The following ROBO2 variants were observed in gnomAD, a reference collection of about 807,000 sequenced individuals.
ROBO2 encodes roundabout guidance receptor 2.
Under a neutral mutation model 160.8 loss-of-function variants are expected in ROBO2, and 53 were observed. That is an observed-to-expected ratio of 0.33 (90% CI 0.26 to 0.41). The LOEUF (loss-of-function observed/expected upper bound fraction) is 0.41. Ranked by LOEUF, ROBO2 falls within the 10% of genes least tolerant of loss-of-function variation. ROBO2 has a pLI of 1.00. For missense variants in ROBO2, 1,577 were observed against 1,722.4 expected (o/e 0.92, Z 1.49); for synonymous variants, 664 against 611.7 (o/e 1.09, Z -1.26).
rs192881640 is a variant in ROBO2, at chr3:77,503,249, G to C, written c.806+9867G>C. On this transcript the variant is annotated intron_variant, in intron 5 of 25. Transcript: ENST00000461745. ...AAAATAATAATAATATAAATGGCCA[G>C]GCGCGGTGGCTCACGCCTGTAATCC... Among the ~76,000 whole-genome samples, 608 of 151,582 alleles carry C rather than the reference G, an allele frequency of 4.0e-3. 7 individuals carry two copies. Among genetic ancestry groups the C allele is most frequent in the African/African-American group, 0.014 (580 of 41,446 alleles).
At chr3:76,840,889 C>A (rs1007040389) in intron 2 of ROBO2, among the ~76,000 whole-genome samples, 11 of 151,916 alleles carry the variant, frequency 7.2e-5, no homozygotes, top group African/African-American at 2.7e-4. Flanking sequence ...AAACAACCTC[C>A]AACTATTTTC....
At chr3:77,232,692 G>T (rs972773702) in intron 2 of ROBO2, among the ~76,000 whole-genome samples, 2 of 152,082 alleles carry the variant, frequency 1.3e-5, no homozygotes, top group Admixed American at 6.5e-5. Context: ...TGGTGCTCTT[G>T]GTATTTTGTT....
chr3:75,923,378 A>G (rs1282664166), intron 1 of ROBO2, among the ~76,000 whole-genome samples: 3 of 152,214 alleles, frequency 2.0e-5, no homozygotes, highest in Non-Finnish European at 4.4e-5. Context: ...TTCTGCATTT[A>G]CACAGACGTT....
chr3:76,385,221 C>T (rs1024442740), intron 2 of ROBO2, among the ~76,000 whole-genome samples: 2 of 152,104 alleles, frequency 1.3e-5, no homozygotes, highest in African/African-American at 2.4e-5. Context: ...TCTCAAACTC[C>T]TGGACTCAAG....
At chr3:76,635,006 G>A (rs2090248009) in intron 2 of ROBO2, among the ~76,000 whole-genome samples, 1 of 152,174 alleles carries the variant, frequency 6.6e-6, no homozygotes, top group Non-Finnish European at 1.5e-5. Context: ...ATCTGAGGTG[G>A]AACAGTTTCA....
intron 2 of ROBO2, among the ~76,000 whole-genome samples, chr3:76,951,527 A>C (rs1310922328): frequency 6.6e-6 from 1 of 152,228 alleles, no homozygotes; most frequent in Non-Finnish European, 1.5e-5. Flanking sequence ...GTGTGTGTTT[A>C]TTTATAGATT....
chr3:77,407,821 A>G (rs191746547), intron 2 of ROBO2, among the ~76,000 whole-genome samples: 1 of 152,372 alleles, frequency 6.6e-6, no homozygotes, highest in East Asian at 1.9e-4. Context: ...GAAAAAGTAT[A>G]AAGAATGATC....
chr3:76,147,806 C>T (rs2071976407), intron 2 of ROBO2, among the ~76,000 whole-genome samples: 1 of 151,926 alleles, frequency 6.6e-6, no homozygotes, highest in Non-Finnish European at 1.5e-5. Context: ...ATGAAATCAT[C>T]ATGATATGGA....
intron 2 of ROBO2, among the ~76,000 whole-genome samples, chr3:76,059,339 A>G (rs1366154905): frequency 6.6e-6 from 1 of 152,094 alleles, no homozygotes; most frequent in Middle Eastern, 3.4e-3. Flanking sequence ...AATGATTGCC[A>G]TTCTAACTGG....
chr3:77,302,672 AG>A (rs2062764600), intron 2 of ROBO2, among the ~76,000 whole-genome samples: 1 of 152,214 alleles, frequency 6.6e-6, no homozygotes, highest in Non-Finnish European at 1.5e-5. Flanking sequence ...GAGGTTTTAA[AG>A]TCAACTGTAA....
intron 2 of ROBO2, among the ~76,000 whole-genome samples, chr3:76,126,568 A>G (rs1468911882): frequency 6.6e-6 from 1 of 152,188 alleles, no homozygotes; most frequent in Non-Finnish European, 1.5e-5. Flanking sequence ...CATGTTCCTT[A>G]AAGCAAGAAA....
chr3:76,690,810 C>A (rs891695468), intron 2 of ROBO2, among the ~76,000 whole-genome samples: 2 of 152,140 alleles, frequency 1.3e-5, no homozygotes, highest in South Asian at 4.1e-4. Flanking sequence ...ATAAGCGTAT[C>A]TGTGAAGACA....
At chr3:77,409,165 C>T (rs1212596019) in intron 2 of ROBO2, among the ~76,000 whole-genome samples, 1 of 148,888 alleles carries the variant, frequency 6.7e-6, no homozygotes, top group African/African-American at 2.5e-5. Flanking sequence ...CAGAGTAAAC[C>T]AGTAAAGATT....
rs1303232582 is a variant in ROBO2 at position 77,410,516 on chromosome 3, CTCCTCCTCCTCT to C, written c.389-66883_389-66872del. Among the ~76,000 whole-genome samples, 44 of 103,668 alleles carry C rather than the reference CTCCTCCTCCTCT, an allele frequency of 4.2e-4. 1 individual carries two copies. Among genetic ancestry groups the C allele is most frequent in the Admixed American group, 1.1e-3 (12 of 10,972 alleles). The allele number at this position is 103,668 out of a possible 152,430, so 68.0% of individuals were successfully genotyped here. A position where few individuals can be genotyped will look rare whatever the true frequency, so the allele number is the denominator to read the frequency against. ...CCTCCTCCTCCTCTTCCTCCTCTTC[CTCCTCCTCCTCT>C]TCCTCCTCCTCTTCTTCCTCCTCTT... On this transcript the variant is annotated intron_variant, in intron 2 of 25. Coordinates refer to ENST00000461745, the Ensembl canonical transcript of ROBO2.
At chr3:77,145,841 T>A (rs1451793079) in intron 2 of ROBO2, among the ~76,000 whole-genome samples, 2 of 152,208 alleles carry the variant, frequency 1.3e-5, no homozygotes, top group Non-Finnish European at 2.9e-5. Context: ...ATTCATTTGT[T>A]CTTCAGTCCA....
intron 2 of ROBO2, among the ~76,000 whole-genome samples, chr3:76,979,037 A>T (rs1276533770): frequency 6.6e-6 from 1 of 151,708 alleles, no homozygotes; most frequent in Non-Finnish European, 1.5e-5. Flanking sequence ...CAACATCTTG[A>T]GCTGAAATGA....
intron 2 of ROBO2, among the ~76,000 whole-genome samples, chr3:76,269,514 T>A (rs1707299608): frequency 6.6e-6 from 1 of 151,664 alleles, no homozygotes; most frequent in Non-Finnish European, 1.5e-5. Flanking sequence ...CACATCAAGG[T>A]TTACCTACTT....
intron 2 of ROBO2, among the ~76,000 whole-genome samples, chr3:76,051,717 C>A (rs963940636): frequency 2.0e-5 from 3 of 152,078 alleles, no homozygotes; most frequent in African/African-American, 4.8e-5. Flanking sequence ...TTCACGTATA[C>A]TACATATACC....
intron 2 of ROBO2, among the ~76,000 whole-genome samples, chr3:76,420,757 C>T (rs1040647096): frequency 6.6e-6 from 1 of 152,130 alleles, no homozygotes; most frequent in Non-Finnish European, 1.5e-5. Context: ...ACATTTCTCT[C>T]CAGTGGAATT....
Sources: allele counts gnomAD v4.1 joint callset (sites outside exome capture counted in the v4.1 genomes callset), GRCh38; gene constraint gnomAD v4.1.1; transcripts MANE v1.5; gene names NCBI Gene and HGNC (gene_info 2026-07-23, HGNC 2026-07-21).